The following MARCHF1 variants were observed in gnomAD, a reference collection of about 807,000 sequenced individuals.
MARCHF1 encodes E3 ubiquitin-protein ligase MARCHF1.
A neutral mutation model predicts 54.2 loss-of-function variants in MARCHF1; 40 were observed. The observed-to-expected ratio is 0.74, with a 90% CI of 0.57 to 0.96. MARCHF1 has a LOEUF of 0.96. MARCHF1 is among the 40% of genes least tolerant of loss of function. MARCHF1 has a pLI of 0.00. For missense variants in MARCHF1, 586 were observed against 656.5 expected (o/e 0.89, Z 1.17); for synonymous variants, 236 against 236.3 (o/e 1.00, Z 0.01).
chr4:164,120,313 C>T (rs1756039593), intron 1 of MARCHF1, among the ~76,000 whole-genome samples: 1 of 151,992 alleles, frequency 6.6e-6, no homozygotes, highest in African/African-American at 2.4e-5. Flanking sequence ...GCACCCAACA[C>T]CGGAGCACCC....
chr4:163,592,034 CATTA>C (rs2110850410), intron 7 of MARCHF1, among the ~76,000 whole-genome samples: 1 of 152,178 alleles, frequency 6.6e-6, no homozygotes, highest in Non-Finnish European at 1.5e-5. Flanking sequence ...AACAAAAAGG[CATTA>C]TAAGCCAGAT....
At chr4:163,902,778 T>A (rs1042446051) in intron 3 of MARCHF1, among the ~76,000 whole-genome samples, 1 of 152,234 alleles carries the variant, frequency 6.6e-6, no homozygotes, top group African/African-American at 2.4e-5. Flanking sequence ...TCATTATTAC[T>A]GCTGCAAATA....
At chr4:164,146,473 A>G (rs1207748859) in intron 1 of MARCHF1, among the ~76,000 whole-genome samples, 1 of 152,206 alleles carries the variant, frequency 6.6e-6, no homozygotes. Flanking sequence ...ACCAAAACAG[A>G]GATATAGATC....
chr4:163,582,867 T>C (rs1342378193), intron 8 of MARCHF1, among the ~76,000 whole-genome samples: 2 of 152,184 alleles, frequency 1.3e-5, no homozygotes, highest in African/African-American at 4.8e-5. Flanking sequence ...CACCTCAGAA[T>C]GTGATGACTC....
At chr4:163,640,388 T>C (rs1474605785) in intron 5 of MARCHF1, among the ~76,000 whole-genome samples, 2 of 152,168 alleles carry the variant, frequency 1.3e-5, no homozygotes, top group African/African-American at 4.8e-5. Flanking sequence ...GACAACTTCT[T>C]ATGCATAGTG....
chr4:163,653,333 G>A (rs1743033943), intron 5 of MARCHF1, among the ~76,000 whole-genome samples: 1 of 151,808 alleles, frequency 6.6e-6, no homozygotes, highest in Non-Finnish European at 1.5e-5. Flanking sequence ...TGTATATCTT[G>A]TAGCATGTGG....
chr4:163,865,334 T>C (rs191507022), intron 3 of MARCHF1, among the ~76,000 whole-genome samples: 3 of 151,910 alleles, frequency 2.0e-5, no homozygotes, highest in African/African-American at 7.2e-5. Context: ...GCAAGGATAC[T>C]TGACACAACA....
At chr4:164,223,209 T>G (rs1304908435) in intron 1 of MARCHF1, among the ~76,000 whole-genome samples, 1 of 152,012 alleles carries the variant, frequency 6.6e-6, no homozygotes, top group African/African-American at 2.4e-5. Context: ...GTGAGAATAT[T>G]TGAAGGAAAA....
intron 1 of MARCHF1, among the ~76,000 whole-genome samples, chr4:164,356,997 G>C (rs1730572117): frequency 6.6e-6 from 1 of 151,562 alleles, no homozygotes. Flanking sequence ...AGGGGATCAG[G>C]AAAGATAACT....
chr4:163,632,804 A>G (rs2110999531), intron 5 of MARCHF1, among the ~76,000 whole-genome samples: 1 of 152,374 alleles, frequency 6.6e-6, no homozygotes, highest in East Asian at 1.9e-4. Flanking sequence ...GGTCACAGAC[A>G]AACAAAAAGA....
chr4:164,248,851 C>T (rs1004180647), intron 1 of MARCHF1, among the ~76,000 whole-genome samples: 1 of 151,934 alleles, frequency 6.6e-6, no homozygotes, highest in African/African-American at 2.4e-5. Context: ...CAAAAAAACA[C>T]TATACTGTTT....
At chr4:164,088,836 T>G (rs1755243272) in intron 2 of MARCHF1, among the ~76,000 whole-genome samples, 1 of 152,120 alleles carries the variant, frequency 6.6e-6, no homozygotes, top group Non-Finnish European at 1.5e-5. Flanking sequence ...AGAACAATAG[T>G]GTTTTAGGAC....
At chr4:163,894,656 TATATGCATGTGATGC>T (rs200753675) in intron 3 of MARCHF1, among the ~76,000 whole-genome samples, 13,818 of 36,102 alleles carry the variant, frequency 0.38, 6,469 homozygotes, top group Non-Finnish European at 0.46. Flanking sequence ...GTGATGCATA[TATATGCATGTGATGC>T]ATATATATGC....
intron 2 of MARCHF1, among the ~76,000 whole-genome samples, chr4:164,058,367 A>G (rs924232742): frequency 2.6e-5 from 4 of 152,170 alleles, no homozygotes; most frequent in African/African-American, 9.7e-5. Context: ...ATTTGATACC[A>G]TTACTTGCTT....
rs11930746 is a variant in MARCHF1, at chr4:163,924,187, T to C, written c.-39+64314A>G. On this transcript the variant is annotated intron_variant, in intron 3 of 9. Coordinates refer to ENST00000514618, the MANE Select transcript of MARCHF1 (RefSeq NM_001394959.1). The stretch of plus-strand genomic sequence containing the variant: ...GTTGACACAGAGGAAAATTACTTAA[T>C]GCTGCAAAAGCACAGCATGCTTTGC... Among the ~76,000 whole-genome samples the C allele has an allele frequency of 4.6e-3, 702 of 152,116 alleles. 3 individuals are homozygous for C. The highest frequency in any genetic ancestry group is 0.016 in the African/African-American group (677 of 41,540).
chr4:163,693,186 C>T (rs1744517303), intron 5 of MARCHF1, among the ~76,000 whole-genome samples: 4 of 151,266 alleles, frequency 2.6e-5, no homozygotes. Flanking sequence ...ATCTGTGTCC[C>T]AGAGAGTAGG....
At chr4:164,020,169 A>T (rs1245568342) in intron 2 of MARCHF1, among the ~76,000 whole-genome samples, 1 of 152,200 alleles carries the variant, frequency 6.6e-6, no homozygotes, top group Admixed American at 6.5e-5. Flanking sequence ...AGTTTACTAG[A>T]GAGGAAAGCA....
chr4:163,689,532 T>G (rs1183836299), intron 5 of MARCHF1, among the ~76,000 whole-genome samples: 1 of 152,210 alleles, frequency 6.6e-6, no homozygotes, highest in Non-Finnish European at 1.5e-5. Context: ...TTTTTAAAAT[T>G]TTATATAATT....
intron 2 of MARCHF1, among the ~76,000 whole-genome samples, chr4:164,002,009 C>A (rs1232579739): frequency 1.3e-5 from 2 of 151,750 alleles, no homozygotes; most frequent in Non-Finnish European, 3.0e-5. Context: ...TCCCAGAACA[C>A]TCATACCTTA....
Sources: allele counts gnomAD v4.1 joint callset (sites outside exome capture counted in the v4.1 genomes callset), GRCh38; gene constraint gnomAD v4.1.1; transcripts MANE v1.5; gene names NCBI Gene and HGNC (gene_info 2026-07-23, HGNC 2026-07-21).